Variants in TMEM132C observed in about 807,000 individuals in gnomAD.
The protein encoded by TMEM132C is protein phosphatase 1, regulatory subunit 152.
In TMEM132C, 29 loss-of-function variants were observed where a neutral mutation model predicts 61.4. That is an observed-to-expected ratio of 0.47 (90% CI 0.35 to 0.64). The LOEUF (loss-of-function observed/expected upper bound fraction) is 0.64. Among genes scored for constraint, TMEM132C ranks in the 30% least tolerant of loss-of-function variants. TMEM132C has a pLI of 0.00. For synonymous variants in TMEM132C, 656 were observed against 633.1 expected (o/e 1.04, Z -0.54); for missense variants, 1,408 against 1,476.9 (o/e 0.95, Z 0.76).
chr12:128,422,633 C>T (rs1869028549), intron 2 of TMEM132C, among the ~76,000 whole-genome samples: 1 of 152,162 alleles, frequency 6.6e-6, no homozygotes, highest in African/African-American at 2.4e-5. Context: ...AGACACATCC[C>T]CATGTCTCAA....
intron 1 of TMEM132C, among the ~76,000 whole-genome samples, chr12:128,401,765 A>G (rs1260530828): frequency 6.6e-6 from 1 of 152,158 alleles, no homozygotes; most frequent in Non-Finnish European, 1.5e-5. Flanking sequence ...GGGCAGCGTC[A>G]TGCAGAATCT....
chr12:128,655,951 G>GT (rs1291060107), intron 4 of TMEM132C, among the ~76,000 whole-genome samples: 1 of 152,190 alleles, frequency 6.6e-6, no homozygotes, highest in Non-Finnish European at 1.5e-5. Flanking sequence ...CATAAAATAA[G>GT]TTTATTTCAC....
chr12:128,458,076 C>A (rs1870405190), intron 2 of TMEM132C, among the ~76,000 whole-genome samples: 2 of 151,600 alleles, frequency 1.3e-5, no homozygotes, highest in South Asian at 4.2e-4. Context: ...CAGTGAACCC[C>A]ATTTTTAAAA....
intron 3 of TMEM132C, among the ~76,000 whole-genome samples, chr12:128,552,074 G>A (rs1418878935): frequency 2.6e-5 from 4 of 152,186 alleles, no homozygotes; most frequent in South Asian, 4.1e-4. Flanking sequence ...TTGATGAGGC[G>A]GGCTCCCCAG....
rs376500481 is a variant in TMEM132C at position 128,654,174 on chromosome 12, T to C, written c.1306-15243T>C. 1.9e-4 allele frequency among the ~76,000 whole-genome samples: 29 copies of C among 152,248 alleles called. No homozygotes were observed. The East Asian group carries it at 4.4e-3, about 23-fold the overall frequency. On this transcript the variant is annotated intron_variant, in intron 4 of 8. Transcript: ENST00000435159. ...GGAAATAGGGTCTTTGCAGATACCA[T>C]TGGGTTAAGATGAGGTCATTAGGTG...
chr12:128,336,563 A>AT (rs927966398), intron 1 of TMEM132C, among the ~76,000 whole-genome samples: 1 of 152,108 alleles, frequency 6.6e-6, no homozygotes, highest in Non-Finnish European at 1.5e-5. Flanking sequence ...AATATGTATC[A>AT]TTTTTTTCTC....
intron 5 of TMEM132C, among the ~76,000 whole-genome samples, chr12:128,683,212 G>A (rs986473507): frequency 2.6e-5 from 4 of 152,104 alleles, no homozygotes; most frequent in Admixed American, 2.0e-4. Context: ...CTGTCTGCCC[G>A]GCCCTCTACA....
chr12:128,673,742 G>A (rs568087737), intron 5 of TMEM132C, among the ~76,000 whole-genome samples: 3 of 152,332 alleles, frequency 2.0e-5, no homozygotes, highest in South Asian at 2.1e-4. Context: ...ATCATACAGC[G>A]TTCCCTCCAG....
At chr12:128,269,864 A>C (rs1870454048) in intron 1 of TMEM132C, among the ~76,000 whole-genome samples, 1 of 151,542 alleles carries the variant, frequency 6.6e-6, no homozygotes, top group Non-Finnish European at 1.5e-5. Context: ...ACACGGATTT[A>C]AGTGCTGATT....
chr12:128,297,528 C>A (rs1186078819), intron 1 of TMEM132C, among the ~76,000 whole-genome samples: 1 of 152,126 alleles, frequency 6.6e-6, no homozygotes, highest in Non-Finnish European at 1.5e-5. Context: ...TGAATCTTTC[C>A]CACTTAGTCT....
At chr12:128,420,943 G>C (rs994775369) in intron 2 of TMEM132C, among the ~76,000 whole-genome samples, 1 of 152,232 alleles carries the variant, frequency 6.6e-6, no homozygotes, top group African/African-American at 2.4e-5. Flanking sequence ...GGGCACAGAT[G>C]TGGGAATAAC....
intron 2 of TMEM132C, among the ~76,000 whole-genome samples, chr12:128,504,180 A>G (rs1479220194): frequency 1.3e-5 from 2 of 152,132 alleles, no homozygotes; most frequent in Non-Finnish European, 2.9e-5. Context: ...GGTCTCCAAG[A>G]GCAAGTGAAT....
chr12:128,270,059 G>A (rs74682612), intron 1 of TMEM132C, among the ~76,000 whole-genome samples: 10,019 of 152,250 alleles, frequency 0.066, 499 homozygotes, highest in South Asian at 0.15. Context: ...GACTTGGGCC[G>A]AGGCAGGAGA....
Position 128,267,358 on chromosome 12 carries a change from G to T in TMEM132C, c.-45G>T. On this transcript the variant is annotated 5_prime_UTR_variant, in exon 1 of 9. Coordinates refer to ENST00000435159, the MANE Select transcript of TMEM132C (RefSeq NM_001136103.3). ...CCGGCGGGGGCCGCGGGCGGGCGCT[G>T]CGCTTCGGGCTGGCGGCGGGCTGCG... The T allele has an allele frequency of 8.0e-6, 8 of 1,006,118 alleles. No individual in the cohort carries two copies. Among genetic ancestry groups the T allele is most frequent in the Non-Finnish European group, 9.5e-6 (8 of 843,746 alleles). 62.3% of individuals were successfully genotyped at this position (1,006,118 alleles called of 1,614,324 possible).
intron 1 of TMEM132C, among the ~76,000 whole-genome samples, chr12:128,324,770 G>C (rs781403046): frequency 4.6e-5 from 7 of 152,174 alleles, no homozygotes; most frequent in Non-Finnish European, 1.0e-4. Flanking sequence ...TGAGGCTGCA[G>C]TGAACCATGA....
chr12:128,276,643 T>C (rs1870699964), intron 1 of TMEM132C, among the ~76,000 whole-genome samples: 1 of 152,184 alleles, frequency 6.6e-6, no homozygotes, highest in Non-Finnish European at 1.5e-5. Flanking sequence ...TGCAGTTGAC[T>C]TTTTTCATCC....
chr12:128,450,889 A>G (rs1416018641), intron 2 of TMEM132C, among the ~76,000 whole-genome samples: 1 of 152,190 alleles, frequency 6.6e-6, no homozygotes, highest in East Asian at 1.9e-4. Flanking sequence ...ATGCCTCAAA[A>G]CATAAAATCT....
chr12:128,282,369 G>T (rs1232299873), intron 1 of TMEM132C, among the ~76,000 whole-genome samples: 2 of 152,192 alleles, frequency 1.3e-5, no homozygotes, highest in Admixed American at 1.3e-4. Context: ...TGCATGGCTT[G>T]GGAGGCCTCA....
chr12:128,677,322 G>A (rs1046090797), intron 5 of TMEM132C, among the ~76,000 whole-genome samples: 1 of 152,122 alleles, frequency 6.6e-6, no homozygotes, highest in Non-Finnish European at 1.5e-5. Context: ...TCTGGTATGG[G>A]GGACACAGCA....
Sources: allele counts gnomAD v4.1 joint callset (sites outside exome capture counted in the v4.1 genomes callset), GRCh38; gene constraint gnomAD v4.1.1; transcripts MANE v1.5; gene names NCBI Gene and HGNC (gene_info 2026-07-23, HGNC 2026-07-21).